The following FGF20 variants were observed in gnomAD, a reference collection of about 807,000 sequenced individuals.
FGF20 encodes the protein fibroblast growth factor 20.
FGF20 carries 8 observed loss-of-function variants against 16.7 expected under a neutral mutation model. The observed-to-expected ratio is 0.48, with a 90% CI of 0.28 to 0.87. The LOEUF (loss-of-function observed/expected upper bound fraction) is 0.87. Ranked by LOEUF, FGF20 falls within the 40% of genes least tolerant of loss-of-function variation. The pLI is 0.10. For missense variants in FGF20, 397 were observed against 281.4 expected (o/e 1.41, Z -2.94); for synonymous variants, 161 against 118.6 (o/e 1.36, Z -2.32).
At position 16,999,037 on chromosome 8, in the gene FGF20, A is replaced by G. The variant is rs17550039; in HGVS notation, c.286+2710T>C. Among the ~76,000 whole-genome samples, 987 of 152,318 alleles carry G rather than the reference A, an allele frequency of 6.5e-3. 16 individuals are homozygous for G. The highest frequency in any genetic ancestry group is 0.023 in the African/African-American group (939 of 41,578). On this transcript the variant is annotated intron_variant, in intron 1 of 2. Transcript: ENST00000180166. ...CTAGCAAAAGAAGCCAAACATACAG[A>G]AGCACATAATGTTATATAGCTTGAA...
At position 16,992,889 on chromosome 8, in the gene FGF20, T is replaced by C. The variant is rs533487160; in HGVS notation, c.*183A>G. The C allele has an allele frequency of 7.4e-5, 49 of 663,046 alleles. No homozygotes were observed. In the South Asian group the frequency reaches 9.2e-4, roughly 12 times the overall value. The allele number at this position is 663,046 out of a possible 1,614,324, so 41.1% of individuals were successfully genotyped here. A position where few individuals can be genotyped will look rare whatever the true frequency, so the allele number is the denominator to read the frequency against. On this transcript the variant is annotated 3_prime_UTR_variant, in exon 3 of 3. Coordinates refer to ENST00000180166, the MANE Select transcript of FGF20 (RefSeq NM_019851.3). ...TTAATCCACATATAAAGAGTGATCA[T>C]GATCTATTTCTAGTCAAAATTTTTT...
rs751316141 is a variant in FGF20 at position 17,002,038 on chromosome 8, G to C, written c.-6C>G. 6.5e-7 allele frequency: 1 copy of C among 1,537,142 alleles called. No individual in the cohort carries two copies. Among genetic ancestry groups the C allele is most frequent in the Middle Eastern group, 1.7e-4 (1 of 5,924 alleles). ...ACTTCGGCTAAGGGAGCCATGGAGG[G>C]GGAGATCCGGAACACAAAAGACCCC... On this transcript the variant is annotated 5_prime_UTR_variant, in exon 1 of 3. Coordinates refer to ENST00000180166, the MANE Select transcript of FGF20 (RefSeq NM_019851.3).
intron 1 of FGF20, among the ~76,000 whole-genome samples, chr8:17,001,215 A>G (rs1006264999): frequency 6.6e-6 from 1 of 152,126 alleles, no homozygotes; most frequent in Non-Finnish European, 1.5e-5. Flanking sequence ...CTCGCAATCC[A>G]TGCCCAGAGC....
At chr8:17,000,944 G>C (rs1469288382) in intron 1 of FGF20, among the ~76,000 whole-genome samples, 1 of 151,902 alleles carries the variant, frequency 6.6e-6, no homozygotes. Context: ...TCCTAAAGTC[G>C]ATACCAAGAT....
chr8:16,993,042 T>TTGAC lies in FGF20; in HGVS notation c.*26_*29dup, dbSNP rs764711524. The TTGAC allele has an allele frequency of 1.2e-6, 2 of 1,604,494 alleles. No homozygotes were observed. Among genetic ancestry groups the TTGAC allele is most frequent in the South Asian group, 2.2e-5 (2 of 89,548 alleles). ...TATGACAAGAAAGAATGGTTGTGGT[T>TTGAC]TGACTCTTCCATAATGTCACTATCG... On this transcript the variant is annotated 3_prime_UTR_variant, in exon 3 of 3. Transcript: ENST00000180166.
chr8:16,999,797 C>G (rs1393557925), intron 1 of FGF20, among the ~76,000 whole-genome samples: 1 of 151,372 alleles, frequency 6.6e-6, no homozygotes, highest in Non-Finnish European at 1.5e-5. Flanking sequence ...CCTCGGCCTC[C>G]CAAAGCGCTG....
At position 17,001,892 on chromosome 8, in the gene FGF20, G is replaced by C; in HGVS notation, c.141C>G (p.Ser47Arg). The C allele has an allele frequency of 6.9e-7, 1 of 1,439,666 alleles. No homozygotes were observed. The highest frequency in any genetic ancestry group is 9.1e-7 in the Non-Finnish European group (1 of 1,100,432). 89.2% of individuals were successfully genotyped at this position (1,439,666 alleles called of 1,614,324 possible). ...GCGCAGCCCCCGGCCCGCCGCGCGC[G>C]CTCCGCTCCGCCGCGCTCCTGCGCT... The part of the protein sequence containing the change: ...LGERRSAAER[S>R]ARGGPGAAQL... Residue 47 changes from serine (S) to arginine (R), a missense_variant, in exon 1 of 3, where the codon AGC becomes AGG. Physicochemically the swap from Ser to Arg is moderately radical, Grantham distance 110 (BLOSUM62 -1). Coordinates refer to ENST00000180166, the MANE Select transcript of FGF20 (RefSeq NM_019851.3).
At chr8:16,994,023 T>C (rs3862105) in intron 2 of FGF20, among the ~76,000 whole-genome samples, 145,733 of 152,162 alleles carry the variant, frequency 0.96, 70,097 homozygotes, top group East Asian at 1. Flanking sequence ...CCAATACCAG[T>C]CTATGGCCCA....
intron 1 of FGF20, among the ~76,000 whole-genome samples, chr8:16,997,669 T>C (rs73193108): frequency 1.6e-4 from 25 of 152,194 alleles, no homozygotes; most frequent in African/African-American, 2.9e-4. Flanking sequence ...GGATCCCTCA[T>C]TGAAAGCCTA....
chr8:16,992,199 C>G lies in FGF20; in HGVS notation c.*873G>C, dbSNP rs927462097. ...AACACTGCATGAAAATGTTTAATTC[C>G]CTTTTGAATGTGTGTTGAATTTAAT... On this transcript the variant is annotated 3_prime_UTR_variant, in exon 3 of 3. Transcript: ENST00000180166. 2 of 152,030 alleles carry G rather than the reference C, an allele frequency of 1.3e-5. No homozygotes were observed. The highest frequency in any genetic ancestry group is 2.9e-5 in the Non-Finnish European group (2 of 68,010). 9.4% of individuals were successfully genotyped at this position (152,030 alleles called of 1,614,324 possible).
rs762222483 is a variant in FGF20 at position 16,993,193 on chromosome 8, T to A, written c.515A>T (p.Asp172Val). The change falls in exon 3 of 3, where the codon GAC (aspartate) becomes GTC (valine). Residue 172 changes from aspartate to valine, a missense_variant. By Grantham distance (152) the Asp-to-Val change is radical (BLOSUM62 -3). Coordinates refer to ENST00000180166, the MANE Select transcript of FGF20 (RefSeq NM_019851.3). ...CCTGGCGCCATCTCTTGGAGTTCCG[T>A]CTTTGTTAAGTGCCACAAAATACCT... ...GRRYFVALNK[D>V]GTPRDGARSK... The A allele has an allele frequency of 4.3e-6, 7 of 1,614,120 alleles. No individual in the cohort carries two copies. In the South Asian group the frequency reaches 7.7e-5, roughly 18 times the overall value.
In FGF20 at chr8:16,992,984, C is replaced by T. The variant is rs140595599; in HGVS notation, c.*88G>A. 1.1e-3 allele frequency: 1,523 copies of T among 1,426,856 alleles called. 16 individuals carry two copies. In the African/African-American group the frequency reaches 0.017, roughly 16 times the overall value. 88.4% of individuals were successfully genotyped at this position (1,426,856 alleles called of 1,614,324 possible). ...AGAAAATAGACTTTAATATTTTGAA[C>T]GTCTCCTTGGGTCATTATTTTATGA... On this transcript the variant is annotated 3_prime_UTR_variant, in exon 3 of 3. Coordinates refer to ENST00000180166, the MANE Select transcript of FGF20 (RefSeq NM_019851.3).
In FGF20 at chr8:17,001,323, A is replaced by G. The variant is rs530625975; in HGVS notation, c.286+424T>C. 5.9e-3 allele frequency among the ~76,000 whole-genome samples: 896 copies of G among 152,160 alleles called. 15 individuals carry two copies. The highest frequency in any genetic ancestry group is 0.02 in the African/African-American group (850 of 41,520). ...TTTTGTAAAGTGGACGGCATGGGGG[A>G]AAATGAGAAAGGAAATCGGAGAGAA... On this transcript the variant is annotated intron_variant, in intron 1 of 2. Coordinates refer to ENST00000180166, the MANE Select transcript of FGF20 (RefSeq NM_019851.3).
At chr8:17,000,980 CAA>C (rs1025263712) in intron 1 of FGF20, among the ~76,000 whole-genome samples, 2 of 152,022 alleles carry the variant, frequency 1.3e-5, no homozygotes, top group Non-Finnish European at 2.9e-5. Flanking sequence ...GCACAATTTC[CAA>C]AGAGGAGCTT....
At position 16,999,841 on chromosome 8, in the gene FGF20, A is replaced by T. The variant is rs376758496; in HGVS notation, c.286+1906T>A. Among the ~76,000 whole-genome samples, 16 of 151,048 alleles carry T rather than the reference A, an allele frequency of 1.1e-4. No individual in the cohort carries two copies. In the South Asian group the frequency reaches 3.2e-3, roughly 30 times the overall value. Reference sequence around the variant, plus strand: ...GGCGTGAGCCACTGCGCCCAGCCCCAAGTTTCTTAAAAGTAGAATTTCCAA... The same window carrying T: ...GGCGTGAGCCACTGCGCCCAGCCCCTAGTTTCTTAAAAGTAGAATTTCCAA... On this transcript the variant is annotated intron_variant, in intron 1 of 2. Transcript: ENST00000180166.
chr8:16,996,609 T>C (rs1810053047), intron 1 of FGF20, among the ~76,000 whole-genome samples: 1 of 152,228 alleles, frequency 6.6e-6, no homozygotes, highest in African/African-American at 2.4e-5. Flanking sequence ...TGTTTTTATC[T>C]ACGATAAATC....
intron 1 of FGF20, among the ~76,000 whole-genome samples, chr8:17,000,049 T>A (rs776898151): frequency 7.2e-5 from 11 of 152,170 alleles, no homozygotes; most frequent in Non-Finnish European, 1.5e-4. Context: ...CCACCTGGTG[T>A]CAGCAAAGTT....
chr8:16,998,606 G>A (rs1049574947), intron 1 of FGF20, among the ~76,000 whole-genome samples: 1 of 152,060 alleles, frequency 6.6e-6, no homozygotes, highest in Non-Finnish European at 1.5e-5. Flanking sequence ...GAGGTACTTT[G>A]CCTTTCTGGT....
intron 1 of FGF20, 125 bp from the exon 2 acceptor site, chr8:16,995,883 T>TA (rs1349432453): frequency 1.7e-4 from 92 of 544,188 alleles, no homozygotes; most frequent in Non-Finnish European, 2.9e-4. Flanking sequence ...GATGTACGTG[T>TA]AAAAGTCCTT....
Sources: gnomAD v4.1 joint callset for allele counts (sites outside exome capture counted in the v4.1 genomes callset) on GRCh38, gnomAD v4.1.1 for gene constraint, MANE v1.5 for transcripts, NCBI Gene and HGNC (gene_info 2026-07-23, HGNC 2026-07-21) for gene names.